Variants in UBR1 observed in about 807,000 individuals in gnomAD.
UBR1 encodes E3 ubiquitin-protein ligase UBR1.
Under a neutral mutation model 242.1 loss-of-function variants are expected in UBR1, and 102 were observed. That is an observed-to-expected ratio of 0.42 (90% confidence interval 0.36 to 0.50). The LOEUF (loss-of-function observed/expected upper bound fraction) is 0.50. Ranked by LOEUF, UBR1 falls within the 20% of genes least tolerant of loss-of-function variation. The pLI is 0.01. For missense variants in UBR1, 1,772 were observed against 2,101.8 expected, an observed-to-expected ratio of 0.84 and a Z score of 3.07; for synonymous variants, 675 against 684.8, an observed-to-expected ratio of 0.99 and a Z score of 0.22.
intron 37 of UBR1, among the ~76,000 whole-genome samples, chr15:42,978,878 G>T (rs145356481): frequency 1.9e-4 from 27 of 144,892 alleles, no homozygotes; most frequent in African/African-American, 6.6e-4. Context: ...GCAGGCACGC[G>T]CCACCACGCC....
intron 38 of UBR1, 89 bp from the exon 39 acceptor site, chr15:42,976,956 C>T: frequency 7.2e-7 from 1 of 1,392,486 alleles, no homozygotes; most frequent in Non-Finnish European, 1.0e-6. Context: ...GCAGCAGATG[C>T]TACACAGTGT....
Position 43,026,640 on chromosome 15 carries a change from C to A in UBR1, c.2456G>T (p.Gly819Val). ...TGATTCATCTTTTAGTTCATAAACTCCATGGCCTGATACACCTGGTTTCCT... is the reference window on the plus strand; with the variant it reads ...TGATTCATCTTTTAGTTCATAAACTACATGGCCTGATACACCTGGTTTCCT... ...TFKKPGVSGH[G>V]VYELKDESLK... The change falls in exon 23 of 47, where the codon GGA becomes GTA. Residue 819 changes from glycine (G) to valine (V), a missense_variant. By Grantham distance (109) the Gly-to-Val change is moderately radical (BLOSUM62 -3). Coordinates refer to ENST00000290650, the MANE Select transcript of UBR1 (RefSeq NM_174916.3). 6.2e-7 allele frequency: 1 copy of A among 1,612,886 alleles called. No individual in the cohort carries two copies. The highest frequency in any genetic ancestry group is 8.5e-7 in the Non-Finnish European group (1 of 1,179,670).
intron 6 of UBR1, among the ~76,000 whole-genome samples, chr15:43,063,315 C>T (rs1301500537): frequency 6.6e-6 from 1 of 152,164 alleles, no homozygotes; most frequent in Admixed American, 6.5e-5. Flanking sequence ...ATATGAAAAC[C>T]GACAAAGCAC....
Position 43,004,113 on chromosome 15 carries a change from T to C in UBR1, c.3416-183A>G, listed in dbSNP as rs1049768640. 2.0e-5 allele frequency among the ~76,000 whole-genome samples: 3 copies of C among 152,368 alleles called. No homozygotes were observed. In the East Asian group the frequency reaches 5.8e-4, roughly 29 times the overall value. On this transcript the variant is annotated intron_variant, in intron 30 of 46. Transcript: ENST00000290650. ...AAAAGCATAAAGGTAGCCTGTCAGA[T>C]ATGATTCTAAAATTAGTATGGATTA...
chr15:42,996,836 A>G (rs949068942), intron 33 of UBR1, among the ~76,000 whole-genome samples: 3 of 152,224 alleles, frequency 2.0e-5, no homozygotes, highest in African/African-American at 7.2e-5. Context: ...AAATATTTTG[A>G]GTAGAATACC....
chr15:43,059,588 C>CAAAAAAAAAAAAAAAAAAAAAAAAAAAA (rs36021315), intron 8 of UBR1, 114 bp downstream of exon 8: 1 of 927,262 alleles, frequency 1.1e-6, no homozygotes, highest in African/African-American at 2.1e-5. Context: ...GTGTATAAAC[C>CAAAAAAAAAAAAAAAAAAAAAAAAAAAA]AAAAAAAAAA....
chr15:42,984,834 G>A, intron 36 of UBR1, 53 bp downstream of exon 36: 1 of 1,457,292 alleles, frequency 6.9e-7, no homozygotes, highest in Non-Finnish European at 9.6e-7. Context: ...TAAACTGTGG[G>A]GGGGAAAAAA....
chr15:43,073,801 GC>G (rs1482999243), intron 4 of UBR1, among the ~76,000 whole-genome samples: 1 of 152,118 alleles, frequency 6.6e-6, no homozygotes, highest in East Asian at 1.9e-4. Flanking sequence ...GCATGAGCTT[GC>G]CTTATACTTC....
At chr15:43,081,369 A>G (rs2033971997) in intron 3 of UBR1, among the ~76,000 whole-genome samples, 2 of 147,344 alleles carry the variant, frequency 1.4e-5, no homozygotes, top group African/African-American at 5.0e-5. Flanking sequence ...GTGAGCCGAG[A>G]TCGCACCATT....
intron 27 of UBR1, among the ~76,000 whole-genome samples, chr15:43,017,886 A>C (rs2033051282): frequency 6.6e-6 from 1 of 151,868 alleles, no homozygotes; most frequent in Non-Finnish European, 1.5e-5. Flanking sequence ...AGAATATATA[A>C]TTTTTATATT....
intron 10 of UBR1, 68 bp from the exon 11 acceptor site, chr15:43,056,510 A>G (rs2033621650): frequency 9.6e-7 from 1 of 1,042,394 alleles, no homozygotes; most frequent in Non-Finnish European, 1.5e-6. Context: ...CCCAATTTTA[A>G]TAACTGCTGC....
chr15:43,016,479 A>T (rs1354961735), intron 28 of UBR1, among the ~76,000 whole-genome samples: 1 of 152,230 alleles, frequency 6.6e-6, no homozygotes, highest in African/African-American at 2.4e-5. Flanking sequence ...CCATTATCTT[A>T]TATTTCTCTA....
intron 35 of UBR1, among the ~76,000 whole-genome samples, chr15:42,985,420 T>A (rs1233137305): frequency 6.6e-6 from 1 of 152,130 alleles, no homozygotes; most frequent in African/African-American, 2.4e-5. Context: ...TGGCGCGATC[T>A]CGGCTCACTG....
intron 39 of UBR1, among the ~76,000 whole-genome samples, chr15:42,976,410 G>GA (rs2032288371): frequency 6.6e-6 from 1 of 152,166 alleles, no homozygotes; most frequent in Admixed American, 6.5e-5. Context: ...TCAAAAGGTT[G>GA]AAAAAACTCA....
chr15:42,995,850 C>T (rs967345961), intron 33 of UBR1, among the ~76,000 whole-genome samples: 4 of 152,190 alleles, frequency 2.6e-5, no homozygotes, highest in African/African-American at 9.7e-5. Context: ...ACTGACAGGA[C>T]GTTGCCAGAC....
intron 1 of UBR1, among the ~76,000 whole-genome samples, chr15:43,101,347 A>T (rs2034231824): frequency 6.6e-6 from 1 of 152,214 alleles, no homozygotes; most frequent in Non-Finnish European, 1.5e-5. Flanking sequence ...GTGGAAGCAA[A>T]CAGACCAGTT....
At chr15:43,031,109 C>T (rs2033251644) in intron 20 of UBR1, among the ~76,000 whole-genome samples, 1 of 152,092 alleles carries the variant, frequency 6.6e-6, no homozygotes, top group Non-Finnish European at 1.5e-5. Context: ...GACTAGAGTT[C>T]CTGATACTAA....
intron 13 of UBR1, among the ~76,000 whole-genome samples, chr15:43,047,540 T>C (rs1217621701): frequency 6.6e-6 from 1 of 152,224 alleles, no homozygotes; most frequent in African/African-American, 2.4e-5. Context: ...GGTTACTAAA[T>C]GGATCCTTTG....
At chr15:43,021,827 G>T (rs868012755) in intron 26 of UBR1, among the ~76,000 whole-genome samples, 4 of 152,208 alleles carry the variant, frequency 2.6e-5, no homozygotes, top group Middle Eastern at 3.4e-3. Context: ...GATAACCAAG[G>T]TTTGCCAATC....
Sources: allele counts gnomAD v4.1 joint callset (sites outside exome capture counted in the v4.1 genomes callset), GRCh38; gene constraint gnomAD v4.1.1; transcripts MANE v1.5; gene names NCBI Gene and HGNC (gene_info 2026-07-23, HGNC 2026-07-21).